USH2A: variants seen among roughly 807,000 people sequenced by gnomAD.
USH2A encodes the protein usherin, also known as Usher syndrome 2A (autosomal recessive, mild).
A neutral mutation model predicts 538.9 loss-of-function variants in USH2A; 443 were observed. That is an observed-to-expected ratio of 0.82 (90% CI 0.76 to 0.89). USH2A has a LOEUF of 0.89. Ranked by LOEUF, USH2A falls within the 40% of genes least tolerant of loss-of-function variation. USH2A has a pLI of 0.00. For missense variants in USH2A, 6,633 were observed against 6,324.8 expected (o/e 1.05, Z -1.65); for synonymous variants, 2,413 against 2,273.5 (o/e 1.06, Z -1.75).
intron 27 of USH2A, among the ~76,000 whole-genome samples, chr1:216,073,748 T>C (rs2031650966): frequency 6.6e-6 from 1 of 152,224 alleles, no homozygotes; most frequent in African/African-American, 2.4e-5. Context: ...AGTAAGCTCA[T>C]TGGGGAAAAA....
At chr1:215,899,770 A>G (rs1333643120) in intron 40 of USH2A, among the ~76,000 whole-genome samples, 1 of 152,132 alleles carries the variant, frequency 6.6e-6, no homozygotes, top group African/African-American at 2.4e-5. Context: ...AAAGCAGAAG[A>G]TGACAACCTT....
At chr1:216,166,433 CT>C (rs1302836562) in intron 21 of USH2A, among the ~76,000 whole-genome samples, 1 of 152,022 alleles carries the variant, frequency 6.6e-6, no homozygotes, top group African/African-American at 2.4e-5. Context: ...TGAAGGGCAT[CT>C]CTCGCTGGGA....
rs1411566429 is a variant in USH2A at position 215,952,281 on chromosome 1, C to T, written c.7120+13036G>A. On this transcript the variant is annotated intron_variant, in intron 37 of 71. Coordinates refer to ENST00000307340, the MANE Select transcript of USH2A (RefSeq NM_206933.4). ...TTTTGAGCCTATGTGTGTCTCTGCA[C>T]GTGAGATGGGTTTCCTGAATACAGG... Among the ~76,000 whole-genome samples, 5 of 152,180 alleles carry T rather than the reference C, an allele frequency of 3.3e-5. No homozygotes were observed. The East Asian group carries it at 5.8e-4, about 18-fold the overall frequency.
chr1:215,703,544 A>G (rs188659541), intron 61 of USH2A, among the ~76,000 whole-genome samples: 434 of 152,326 alleles, frequency 2.8e-3, no homozygotes, highest in African/African-American at 0.01. Flanking sequence ...CAGTCTGGCT[A>G]CAGCGGCTTT....
At chr1:216,415,520 T>TTTTTA (rs2039563030) in intron 3 of USH2A, among the ~76,000 whole-genome samples, 1 of 147,396 alleles carries the variant, frequency 6.8e-6, no homozygotes, top group African/African-American at 2.5e-5. Flanking sequence ...TTTTTTTTTT[T>TTTTTA]TTTTTTTTTT....
At chr1:215,714,765 G>C (rs1659434685) in intron 61 of USH2A, among the ~76,000 whole-genome samples, 1 of 152,178 alleles carries the variant, frequency 6.6e-6, no homozygotes, top group African/African-American at 2.4e-5. Flanking sequence ...AAAAAGCTTG[G>C]AGGATTGTGC....
At chr1:216,150,409 C>T (rs1236587720) in intron 21 of USH2A, among the ~76,000 whole-genome samples, 1 of 107,692 alleles carries the variant, frequency 9.3e-6, no homozygotes, top group African/African-American at 4.0e-5. Flanking sequence ...CTACCTCTCC[C>T]CAGCTATCTC....
At chr1:215,823,232 TG>T (rs1663063536) in intron 47 of USH2A, among the ~76,000 whole-genome samples, 1 of 152,098 alleles carries the variant, frequency 6.6e-6, no homozygotes, top group African/African-American at 2.4e-5. Context: ...GGTCTCATAG[TG>T]GTAAATTACT....
intron 15 of USH2A, among the ~76,000 whole-genome samples, chr1:216,214,235 TTGTAAC>T (rs1457261879): frequency 1.3e-5 from 2 of 152,070 alleles, no homozygotes; most frequent in African/African-American, 4.8e-5. Flanking sequence ...ACACAGAGAC[TTGTAAC>T]TGTATGTTCA....
At chr1:216,059,260 T>C (rs934472453) in intron 30 of USH2A, among the ~76,000 whole-genome samples, 4 of 152,172 alleles carry the variant, frequency 2.6e-5, no homozygotes, top group Non-Finnish European at 4.4e-5. Context: ...AGTTCCAAAA[T>C]CAGGCATAAG....
intron 40 of USH2A, among the ~76,000 whole-genome samples, chr1:215,891,659 A>C (rs1319450851): frequency 6.6e-6 from 1 of 152,200 alleles, no homozygotes; most frequent in Non-Finnish European, 1.5e-5. Context: ...ATGGTTATAA[A>C]ATTTTAATGG....
chr1:216,169,433 G>A (rs1233870631), intron 21 of USH2A, among the ~76,000 whole-genome samples: 1 of 152,128 alleles, frequency 6.6e-6, no homozygotes, highest in Non-Finnish European at 1.5e-5. Context: ...GTCTTATGAT[G>A]TAGTTGATGA....
chr1:216,304,409 C>T (rs113799186), intron 9 of USH2A, among the ~76,000 whole-genome samples: 191 of 151,998 alleles, frequency 1.3e-3, no homozygotes, highest in Non-Finnish European at 1.9e-3. Context: ...TCTAGCACTG[C>T]GGCCGTAACT....
intron 22 of USH2A, among the ~76,000 whole-genome samples, chr1:216,095,055 G>A (rs930977383): frequency 6.6e-6 from 1 of 151,952 alleles, no homozygotes; most frequent in African/African-American, 2.4e-5. Context: ...GGCACAAAGA[G>A]GTCTCATAGA....
rs372350992 is a variant in USH2A, at chr1:216,196,765, T to A, written c.4082-43A>T. 3.5e-5 allele frequency: 56 copies of A among 1,588,784 alleles called. 1 individual carries two copies. In the South Asian group the frequency reaches 3.7e-4, roughly 11 times the overall value. On this transcript the variant is annotated intron_variant, in intron 18 of 71. Transcript: ENST00000307340. The stretch of plus-strand genomic sequence containing the variant: ...AACAATAACATCAAAACAATGAATG[T>A]CGTCCCTATATATTTTTAAATTTAA...
intron 21 of USH2A, among the ~76,000 whole-genome samples, chr1:216,146,352 C>T (rs1049108617): frequency 6.6e-5 from 10 of 152,142 alleles, no homozygotes; most frequent in Non-Finnish European, 1.0e-4. Flanking sequence ...ATGTTTTATC[C>T]GTGAACTCAA....
At chr1:216,325,283 A>T in intron 6 of USH2A, 22 bp downstream of exon 6, 3 of 1,612,368 alleles carry the variant, frequency 1.9e-6, no homozygotes, top group South Asian at 1.1e-5. Flanking sequence ...AAATTAATGT[A>T]CACCTTATCG....
At position 216,418,682 on chromosome 1, in the gene USH2A, T is replaced by C; in HGVS notation, c.486-3A>G. 6.2e-7 allele frequency: 1 copy of C among 1,612,752 alleles called. No individual in the cohort carries two copies. The highest frequency in any genetic ancestry group is 8.5e-7 in the Non-Finnish European group (1 of 1,179,238). On this transcript the variant is annotated splice_region_variant and splice_polypyrimidine_tract_variant and intron_variant, in intron 2 of 71. Transcript: ENST00000307340. ...CTACTGTCTTTTCTATAACACACCT[T>C]AGGAAGCAACCGGAAAAGAGAGAAA...
intron 40 of USH2A, among the ~76,000 whole-genome samples, chr1:215,896,260 A>G (rs1665336635): frequency 6.6e-6 from 1 of 152,064 alleles, no homozygotes. Flanking sequence ...TTTTAAATAT[A>G]TGACAACTAA....
Sources: gnomAD v4.1 joint callset for allele counts (sites outside exome capture counted in the v4.1 genomes callset) on GRCh38, gnomAD v4.1.1 for gene constraint, MANE v1.5 for transcripts, NCBI Gene and HGNC (gene_info 2026-07-23, HGNC 2026-07-21) for gene names.